The following LUZP2 variants were observed in gnomAD, a reference collection of about 807,000 sequenced individuals.
The protein encoded by LUZP2 is leucine zipper protein 2.
Under a neutral mutation model 51.6 loss-of-function variants are expected in LUZP2, and 52 were observed. The observed-to-expected ratio is 1.01, with a 90% confidence interval of 0.81 to 1.27. The LOEUF (loss-of-function observed/expected upper bound fraction) is 1.27. Among genes scored for constraint, LUZP2 ranks in the 50% most tolerant of loss-of-function variants. The pLI is 0.00. For missense variants in LUZP2, 436 were observed against 395.4 expected, an observed-to-expected ratio of 1.10 and a Z score of -0.87; for synonymous variants, 154 against 137.3, an observed-to-expected ratio of 1.12 and a Z score of -0.85.
intron 5 of LUZP2, among the ~76,000 whole-genome samples, chr11:24,796,258 A>G (rs1293354195): frequency 6.6e-6 from 1 of 152,054 alleles, no homozygotes; most frequent in African/African-American, 2.4e-5. Flanking sequence ...TTCTGAAATC[A>G]CATGGGTTAG....
chr11:24,538,081 A>G (rs1163992552), intron 1 of LUZP2, among the ~76,000 whole-genome samples: 1 of 151,876 alleles, frequency 6.6e-6, no homozygotes, highest in Non-Finnish European at 1.5e-5. Flanking sequence ...ACACATGCAC[A>G]CACCGCAAGA....
chr11:25,051,595 A>G (rs1858517114), intron 10 of LUZP2, among the ~76,000 whole-genome samples: 1 of 152,164 alleles, frequency 6.6e-6, no homozygotes, highest in Admixed American at 6.5e-5. Flanking sequence ...AACAGTACAC[A>G]AAATGGCGGG....
rs78484902 is a variant in LUZP2, at chr11:24,751,598, C to A, written c.334-11648C>A. The A allele has an allele frequency of 1.2e-3, 1,215 of 981,938 alleles. 14 individuals are homozygous for A. In the East Asian group the frequency reaches 0.018, roughly 14 times the overall value. 60.8% of individuals were successfully genotyped at this position (981,938 alleles called of 1,614,324 possible). On this transcript the variant is annotated intron_variant, in intron 4 of 11. Coordinates refer to ENST00000336930, the MANE Select transcript of LUZP2 (RefSeq NM_001009909.4). ...CCATCTCCCTTAGATCCCCTAAGAG[C>A]ATTCTATGCTTTCAAAGTTTTCTAT...
chr11:24,708,474 T>C (rs1857688404), intron 1 of LUZP2, among the ~76,000 whole-genome samples: 1 of 152,134 alleles, frequency 6.6e-6, no homozygotes, highest in Non-Finnish European at 1.5e-5. Context: ...ATTGCCAATG[T>C]TGCCCCGAAA....
intron 7 of LUZP2, among the ~76,000 whole-genome samples, chr11:24,964,919 CAT>C (rs1018112970): frequency 2.6e-5 from 4 of 151,574 alleles, no homozygotes; most frequent in Non-Finnish European, 4.4e-5. Context: ...TGAAGACAAA[CAT>C]GTTTTATTTT....
chr11:24,558,106 G>T (rs575587185), intron 1 of LUZP2, among the ~76,000 whole-genome samples: 3 of 152,086 alleles, frequency 2.0e-5, no homozygotes, highest in Non-Finnish European at 4.4e-5. Context: ...CTCTCTTCTG[G>T]AACAGGACCA....
chr11:24,622,105 T>A (rs377623536), intron 1 of LUZP2, among the ~76,000 whole-genome samples: 6 of 152,078 alleles, frequency 3.9e-5, no homozygotes, highest in African/African-American at 1.4e-4. Context: ...CAGGCCCAGA[T>A]AATTTTTGTA....
At chr11:24,979,807 C>T (rs560211743) in intron 8 of LUZP2, among the ~76,000 whole-genome samples, 1 of 151,910 alleles carries the variant, frequency 6.6e-6, no homozygotes, top group East Asian at 1.9e-4. Flanking sequence ...GGAAAGCATA[C>T]ATTATTACAT....
chr11:24,661,050 G>A (rs4543990), intron 1 of LUZP2, among the ~76,000 whole-genome samples: 72,640 of 151,868 alleles, frequency 0.48, 18,057 homozygotes, highest in African/African-American at 0.61. Flanking sequence ...AAGCCATATC[G>A]TTATGAAAGA....
intron 7 of LUZP2, among the ~76,000 whole-genome samples, chr11:24,969,049 T>C (rs933722928): frequency 1.3e-5 from 2 of 152,184 alleles, no homozygotes; most frequent in African/African-American, 2.4e-5. Context: ...GAAGGTATGT[T>C]GCATAGGTAA....
rs983250608 is a variant in LUZP2 at position 24,638,400 on chromosome 11, T to A, written c.63-90769T>A. Among the ~76,000 whole-genome samples the A allele has an allele frequency of 1.3e-4, 19 of 151,724 alleles. No homozygotes were observed. In the East Asian group the frequency reaches 2.7e-3, roughly 22 times the overall value. On this transcript the variant is annotated intron_variant, in intron 1 of 11. Coordinates refer to ENST00000336930, the MANE Select transcript of LUZP2 (RefSeq NM_001009909.4). ...TATATTGACTAAAAATATAGTTTTT[T>A]AAAAAATCAAAATACAAAAATCCAA...
rs188964510 is a variant in LUZP2 at position 24,595,385 on chromosome 11, G to A, written c.62+98080G>A. 6.4e-3 allele frequency among the ~76,000 whole-genome samples: 977 copies of A among 152,206 alleles called. 9 individuals carry two copies. The highest frequency in any genetic ancestry group is 0.011 in the Non-Finnish European group (765 of 67,978). On this transcript the variant is annotated intron_variant, in intron 1 of 11. Transcript: ENST00000336930. The stretch of plus-strand genomic sequence containing the variant: ...GGCACTGGGGAACTAATTGGTATTG[G>A]GACATGAAGCTTTTCTAGGTTAGCG...
At chr11:24,845,659 G>C (rs572511217) in intron 5 of LUZP2, among the ~76,000 whole-genome samples, 2 of 152,196 alleles carry the variant, frequency 1.3e-5, no homozygotes, top group Admixed American at 1.3e-4. Flanking sequence ...TATGGGGGTG[G>C]GTCTTTCCTA....
At chr11:24,774,362 CTATATA>C (rs1554989374) in intron 5 of LUZP2, among the ~76,000 whole-genome samples, 4 of 76,388 alleles carry the variant, frequency 5.2e-5, no homozygotes, top group Admixed American at 1.5e-4. Flanking sequence ...CTCTCTCTCT[CTATATA>C]TATATATATA....
intron 9 of LUZP2, among the ~76,000 whole-genome samples, chr11:25,026,000 G>C (rs1011761124): frequency 2.0e-5 from 3 of 152,098 alleles, no homozygotes; most frequent in African/African-American, 7.2e-5. Flanking sequence ...TAGGGACATG[G>C]ATGAAGCTGG....
At chr11:24,613,398 A>G (rs970912302) in intron 1 of LUZP2, among the ~76,000 whole-genome samples, 3 of 152,136 alleles carry the variant, frequency 2.0e-5, no homozygotes, top group African/African-American at 4.8e-5. Context: ...AAACTATCAT[A>G]GGTAAGTTTA....
chr11:24,851,924 C>A (rs1453861212), intron 5 of LUZP2, among the ~76,000 whole-genome samples: 1 of 152,184 alleles, frequency 6.6e-6, no homozygotes, highest in Non-Finnish European at 1.5e-5. Context: ...TTATAGTATT[C>A]TCTGATGGTA....
intron 3 of LUZP2, among the ~76,000 whole-genome samples, chr11:24,737,099 T>TG (rs1858971947): frequency 6.6e-6 from 1 of 152,066 alleles, no homozygotes; most frequent in Admixed American, 6.6e-5. Context: ...GGTCAGAGAA[T>TG]GAACATAAGG....
At chr11:24,852,895 C>A (rs1851439968) in intron 5 of LUZP2, among the ~76,000 whole-genome samples, 1 of 152,040 alleles carries the variant, frequency 6.6e-6, no homozygotes, top group African/African-American at 2.4e-5. Context: ...GAATTGCAAA[C>A]CCCTACTGTT....
Sources: gnomAD v4.1 joint callset for allele counts (sites outside exome capture counted in the v4.1 genomes callset) on GRCh38, gnomAD v4.1.1 for gene constraint, MANE v1.5 for transcripts, NCBI Gene and HGNC (gene_info 2026-07-23, HGNC 2026-07-21) for gene names.